The following RAD51B variants were observed in gnomAD, a reference collection of about 807,000 sequenced individuals.
The protein encoded by RAD51B is DNA repair protein RAD51 homolog 2.
In RAD51B, 38 loss-of-function variants were observed where a neutral mutation model predicts 42.2. The observed-to-expected ratio is 0.90, with a 90% CI of 0.70 to 1.18. RAD51B has a LOEUF of 1.18. Among genes scored for constraint, RAD51B ranks in the 50% most tolerant of loss-of-function variants. The pLI is 0.00. For synonymous variants in RAD51B, 154 were observed against 145.2 expected (o/e 1.06, Z -0.43); for missense variants, 373 against 400.7 (o/e 0.93, Z 0.59).
chr14:68,475,992 G>A (rs138845273), intron 10 of RAD51B, among the ~76,000 whole-genome samples: 33 of 150,480 alleles, frequency 2.2e-4, no homozygotes, highest in African/African-American at 7.6e-4. Flanking sequence ...AATATTTGTT[G>A]AGCATCTATT....
chr14:68,545,960 C>T (rs1888213098), intron 10 of RAD51B, among the ~76,000 whole-genome samples: 1 of 152,172 alleles, frequency 6.6e-6, no homozygotes, highest in Non-Finnish European at 1.5e-5. Flanking sequence ...TCCTACCCTG[C>T]AACTTAGAAG....
chr14:68,428,262 G>A (rs1341868023), intron 9 of RAD51B, among the ~76,000 whole-genome samples: 1 of 152,172 alleles, frequency 6.6e-6, no homozygotes. Context: ...TCTAGAGACT[G>A]TAATTGTAAT....
intron 10 of RAD51B, among the ~76,000 whole-genome samples, chr14:68,491,256 G>C (rs777033699): frequency 2.6e-4 from 39 of 152,124 alleles, no homozygotes; most frequent in Admixed American, 6.5e-5. Flanking sequence ...CCTTTCTGTT[G>C]TGATTGACTC....
intron 7 of RAD51B, among the ~76,000 whole-genome samples, chr14:67,995,623 T>TC (rs1323989638): frequency 6.6e-6 from 1 of 151,632 alleles, no homozygotes; most frequent in South Asian, 2.1e-4. Flanking sequence ...TTTTTTTTTT[T>TC]TTTCTTTTGA....
At chr14:68,472,712 C>T (rs1324244688) in intron 10 of RAD51B, among the ~76,000 whole-genome samples, 1 of 152,108 alleles carries the variant, frequency 6.6e-6, no homozygotes, top group Non-Finnish European at 1.5e-5. Context: ...TTTGAATGAG[C>T]GGGAGCTGGG....
chr14:67,873,176 T>G (rs2042601674), intron 5 of RAD51B, among the ~76,000 whole-genome samples: 1 of 152,136 alleles, frequency 6.6e-6, no homozygotes, highest in Non-Finnish European at 1.5e-5. Context: ...GAGAAAATTT[T>G]CGCAACCTAC....
chr14:68,069,229 G>A (rs1292787874), intron 7 of RAD51B, among the ~76,000 whole-genome samples: 1 of 152,080 alleles, frequency 6.6e-6, no homozygotes, highest in East Asian at 1.9e-4. Context: ...AGGAATAAAG[G>A]CCTCTGTATA....
At chr14:68,614,392 T>A (rs530194876), downstream of RAD51B, among the ~76,000 whole-genome samples, 18 of 152,364 alleles carry the variant, frequency 1.2e-4, no homozygotes, top group East Asian at 3.5e-3. Flanking sequence ...ATTCACCCTC[T>A]TAAAGTGTAC....
At chr14:68,588,712 A>G (rs1890604349) in intron 10 of RAD51B, among the ~76,000 whole-genome samples, 1 of 152,040 alleles carries the variant, frequency 6.6e-6, no homozygotes, top group Non-Finnish European at 1.5e-5. Context: ...CATTTCTTTC[A>G]CCGTCTGTGA....
chr14:68,054,876 A>G (rs73284265), intron 7 of RAD51B, among the ~76,000 whole-genome samples: 2,235 of 152,226 alleles, frequency 0.015, 59 homozygotes, highest in African/African-American at 0.05. Flanking sequence ...CCCTCAAACT[A>G]TGGGATCTGA....
At chr14:68,377,239 A>T (rs2083388641) in intron 8 of RAD51B, among the ~76,000 whole-genome samples, 1 of 152,158 alleles carries the variant, frequency 6.6e-6, no homozygotes, top group Non-Finnish European at 1.5e-5. Context: ...AGGGTGGCCC[A>T]TTTAAAACAG....
intron 8 of RAD51B, among the ~76,000 whole-genome samples, chr14:68,385,004 G>A (rs565522475): frequency 6.6e-6 from 1 of 152,230 alleles, no homozygotes; most frequent in African/African-American, 2.4e-5. Flanking sequence ...CGACAGAGGA[G>A]AAGCTTGTGG....
chr14:67,969,887 A>G (rs565001140), intron 7 of RAD51B, among the ~76,000 whole-genome samples: 1 of 152,296 alleles, frequency 6.6e-6, no homozygotes, highest in South Asian at 2.1e-4. Context: ...TTCTTTTACT[A>G]TATAAAACTA....
At chr14:68,354,434 C>T (rs1594713587) in intron 8 of RAD51B, among the ~76,000 whole-genome samples, 2 of 152,114 alleles carry the variant, frequency 1.3e-5, no homozygotes, top group East Asian at 1.9e-4. Flanking sequence ...AGGATGGTCT[C>T]GATCCCTTGA....
At chr14:67,837,629 TCAAA>T (rs1266989881) in intron 4 of RAD51B, among the ~76,000 whole-genome samples, 2 of 127,364 alleles carry the variant, frequency 1.6e-5, no homozygotes, top group African/African-American at 3.3e-5. Flanking sequence ...CAAATTATCC[TCAAA>T]CAGAGTTTTT....
At chr14:68,079,939 A>C (rs1391677781) in intron 7 of RAD51B, among the ~76,000 whole-genome samples, 2 of 152,170 alleles carry the variant, frequency 1.3e-5, no homozygotes, top group Non-Finnish European at 2.9e-5. Context: ...CATCTGGCTA[A>C]AATTATATTC....
intron 9 of RAD51B, among the ~76,000 whole-genome samples, chr14:68,434,700 GC>G (rs1443643048): frequency 6.6e-6 from 1 of 152,052 alleles, no homozygotes; most frequent in African/African-American, 2.4e-5. Flanking sequence ...CCCGGGTGAG[GC>G]GATGCCTCGC....
intron 7 of RAD51B, among the ~76,000 whole-genome samples, chr14:67,990,313 A>G (rs112406473): frequency 6.6e-6 from 1 of 152,150 alleles, no homozygotes; most frequent in Non-Finnish European, 1.5e-5. Context: ...CATTTAATCA[A>G]TTTTGTCAAT....
intron 4 of RAD51B, among the ~76,000 whole-genome samples, chr14:67,855,037 A>T (rs562245249): frequency 6.6e-6 from 1 of 152,166 alleles, no homozygotes; most frequent in Admixed American, 6.5e-5. Flanking sequence ...GAGAGATGTA[A>T]TATCTGCATA....
Sources: allele counts gnomAD v4.1 joint callset (sites outside exome capture counted in the v4.1 genomes callset), GRCh38; gene constraint gnomAD v4.1.1; transcripts MANE v1.5; gene names NCBI Gene and HGNC (gene_info 2026-07-23, HGNC 2026-07-21).